CLDN10: variants seen among roughly 807,000 people sequenced by gnomAD.
The protein encoded by CLDN10 is claudin-10.
CLDN10 carries 15 observed loss-of-function variants against 22.9 expected under a neutral mutation model. The observed-to-expected ratio is 0.65, with a 90% CI of 0.44 to 1.01. The LOEUF (loss-of-function observed/expected upper bound fraction) is 1.01, where lower values mean the gene tolerates loss of function less well. Ranked by LOEUF, CLDN10 falls within the 50% of genes least tolerant of loss-of-function variation. The pLI is 0.00. For synonymous variants in CLDN10, 114 were observed against 111.4 expected (o/e 1.02, Z -0.15); for missense variants, 247 against 287.8 (o/e 0.86, Z 1.03).
chr13:95,524,950 C>G (rs574955961), intron 1 of CLDN10, among the ~76,000 whole-genome samples: 33 of 152,066 alleles, frequency 2.2e-4, no homozygotes, highest in Middle Eastern at 6.8e-3. Context: ...ACCTCCACCC[C>G]CCGGGTTCAA....
At chr13:95,482,587 A>G (rs78426767) in intron 1 of CLDN10, among the ~76,000 whole-genome samples, 4,349 of 152,282 alleles carry the variant, frequency 0.029, 87 homozygotes, top group Middle Eastern at 0.071. Context: ...TCTAGTCCAG[A>G]TCCACCCTGC....
At chr13:95,506,415 G>A (rs1024566474) in intron 1 of CLDN10, among the ~76,000 whole-genome samples, 3 of 152,182 alleles carry the variant, frequency 2.0e-5, no homozygotes, top group South Asian at 2.1e-4. Flanking sequence ...CCTTGAAGAC[G>A]CAGGCATCCA....
chr13:95,489,434 T>A (rs1038656288), intron 1 of CLDN10, among the ~76,000 whole-genome samples: 3 of 151,810 alleles, frequency 2.0e-5, no homozygotes, highest in Non-Finnish European at 4.4e-5. Context: ...AGAAGTGAGG[T>A]GGTATCGCAT....
chr13:95,547,570 C>T (rs2043522711), intron 1 of CLDN10, among the ~76,000 whole-genome samples: 1 of 152,202 alleles, frequency 6.6e-6, no homozygotes, highest in Admixed American at 6.5e-5. Flanking sequence ...CTCTATTCTT[C>T]ACAACGCCTT....
At chr13:95,472,406 A>G (rs113550814) in intron 1 of CLDN10, among the ~76,000 whole-genome samples, 14 of 152,308 alleles carry the variant, frequency 9.2e-5, no homozygotes, top group African/African-American at 3.4e-4. Flanking sequence ...GATAGGCCAG[A>G]CACAGTGGCT....
intron 1 of CLDN10, among the ~76,000 whole-genome samples, chr13:95,436,476 C>T (rs142154223): frequency 0.012 from 1,827 of 152,230 alleles, 43 homozygotes; most frequent in African/African-American, 0.042. Context: ...TGAGCCACCA[C>T]GCCTGCCAAA....
intron 3 of CLDN10, among the ~76,000 whole-genome samples, chr13:95,563,262 C>T (rs1200020211): frequency 6.6e-6 from 1 of 151,916 alleles, no homozygotes; most frequent in African/African-American, 2.4e-5. Context: ...AGAGCAAACA[C>T]CTTGTATTAG....
chr13:95,577,415 G>T (rs1478810275), intron 4 of CLDN10, 77 bp downstream of exon 4: 6 of 940,842 alleles, frequency 6.4e-6, no homozygotes, highest in Non-Finnish European at 8.6e-6. Flanking sequence ...ACAAATTACA[G>T]ATAGTTCATA....
At chr13:95,569,432 A>C (rs577187582) in intron 3 of CLDN10, among the ~76,000 whole-genome samples, 1 of 152,148 alleles carries the variant, frequency 6.6e-6, no homozygotes, top group South Asian at 2.1e-4. Flanking sequence ...AAAAATACAA[A>C]AATGAGCTGG....
intron 1 of CLDN10, among the ~76,000 whole-genome samples, chr13:95,505,777 C>T (rs1240247979): frequency 1.9e-5 from 2 of 104,822 alleles, no homozygotes; most frequent in Admixed American, 1.4e-4. Context: ...TTTTTTGAGA[C>T]GGAGTCTCGC....
intron 3 of CLDN10, 99 bp downstream of exon 3, chr13:95,560,562 T>A: frequency 1.1e-6 from 1 of 883,894 alleles, no homozygotes; most frequent in Non-Finnish European, 1.8e-6. Flanking sequence ...CTTTTGAAAG[T>A]AAGACATACT....
At chr13:95,574,144 A>C (rs2043895626) in intron 3 of CLDN10, among the ~76,000 whole-genome samples, 1 of 152,166 alleles carries the variant, frequency 6.6e-6, no homozygotes, top group African/African-American at 2.4e-5. Context: ...GGTTGGTTCC[A>C]AGTCTTTGCT....
chr13:95,486,849 C>A (rs1171033408), intron 1 of CLDN10, among the ~76,000 whole-genome samples: 1 of 152,322 alleles, frequency 6.6e-6, no homozygotes, highest in African/African-American at 2.4e-5. Flanking sequence ...CCTTTACCGC[C>A]TCAGTGTTCA....
intron 1 of CLDN10, among the ~76,000 whole-genome samples, chr13:95,476,506 G>A (rs538236319): frequency 5.3e-5 from 8 of 152,090 alleles, no homozygotes; most frequent in East Asian, 1.9e-4. Context: ...ATCACCTCCC[G>A]AAGGCCCCAC....
rs115615705 is a variant in CLDN10 at position 95,487,298 on chromosome 13, C to A, written c.214+53251C>A. Among the ~76,000 whole-genome samples, 412 of 152,316 alleles carry A rather than the reference C, an allele frequency of 2.7e-3. 1 individual carries two copies. The highest frequency in any genetic ancestry group is 9.4e-3 in the African/African-American group (389 of 41,570). On this transcript the variant is annotated intron_variant, in intron 1 of 4. Transcript: ENST00000376873. ...CTTAGAGGGTTACCTATGAAGAGAACTTTACACTGATATAAAGTCATCACA... is the reference window on the plus strand; with the variant it reads ...CTTAGAGGGTTACCTATGAAGAGAAATTTACACTGATATAAAGTCATCACA...
intron 1 of CLDN10, among the ~76,000 whole-genome samples, chr13:95,448,802 C>G (rs1304806745): frequency 4.6e-5 from 7 of 150,774 alleles, no homozygotes; most frequent in Non-Finnish European, 1.0e-4. Context: ...TTCAGTGGCA[C>G]GATCTCGGCT....
chr13:95,577,167 G>A, intron 3 of CLDN10, 64 bp from the exon 4 acceptor site: 1 of 1,035,472 alleles, frequency 9.7e-7, no homozygotes, highest in Admixed American at 2.0e-5. Context: ...TTGACTATCA[G>A]TGTTAAATAC....
intron 3 of CLDN10, among the ~76,000 whole-genome samples, chr13:95,574,383 T>C (rs1188093300): frequency 3.3e-5 from 5 of 152,338 alleles, no homozygotes; most frequent in Admixed American, 3.3e-4. Context: ...GGATACTGTC[T>C]ATTAAATGTT....
At chr13:95,516,130 T>C (rs2043165436) in intron 1 of CLDN10, among the ~76,000 whole-genome samples, 1 of 151,948 alleles carries the variant, frequency 6.6e-6, no homozygotes, top group Non-Finnish European at 1.5e-5. Flanking sequence ...TTACATGTGC[T>C]AAAATATTTA....
Sources: allele counts gnomAD v4.1 joint callset (sites outside exome capture counted in the v4.1 genomes callset), GRCh38; gene constraint gnomAD v4.1.1; transcripts MANE v1.5; gene names NCBI Gene and HGNC (gene_info 2026-07-23, HGNC 2026-07-21).